Variants in ATG7 observed in about 807,000 individuals in gnomAD.
ATG7 encodes the protein autophagy related 7.
Under a neutral mutation model 82.4 loss-of-function variants are expected in ATG7, and 70 were observed. The observed-to-expected ratio is 0.85, with a 90% CI of 0.70 to 1.04. The LOEUF is 1.04. Ranked by LOEUF, ATG7 falls within the 50% of genes least tolerant of loss-of-function variation. The pLI, the probability that ATG7 is intolerant of heterozygous loss-of-function variation, is 0.00. For synonymous variants in ATG7, 287 were observed against 313.0 expected (o/e 0.92, Z 0.88); for missense variants, 792 against 864.3 (o/e 0.92, Z 1.05).
rs56859088 is a variant in ATG7, at chr3:11,433,289, TAAAAA to T, written c.2079+6385_2079+6389del. The stretch of plus-strand genomic sequence containing the variant: ...ACAGAGCAAGACCCTGTCTCTTATT[TAAAAA>T]AAAAAAAAAAAAAAAAAAAAAGCTG... On this transcript the variant is annotated intron_variant, in intron 20 of 20. Coordinates refer to ENST00000693202, the MANE Select transcript of ATG7 (RefSeq NM_001349232.2). Among the ~76,000 whole-genome samples, 225 of 83,806 alleles carry T rather than the reference TAAAAA, an allele frequency of 2.7e-3. 1 individual carries two copies. The highest frequency in any genetic ancestry group is 9.6e-3 in the African/African-American group (211 of 22,086). 55.0% of individuals were successfully genotyped at this position (83,806 alleles called of 152,430 possible).
rs192237724 is a variant in ATG7, at chr3:11,515,130, C to T, written c.2080-39681C>T. On this transcript the variant is annotated intron_variant, in intron 20 of 20. Transcript: ENST00000693202. Reference sequence around the variant, plus strand: ...CTGGGATTACAGGCATGAGCCACCGCGCCTGGCCTAGGTTTTAAAATGCTT... The same window carrying T: ...CTGGGATTACAGGCATGAGCCACCGTGCCTGGCCTAGGTTTTAAAATGCTT... Among the ~76,000 whole-genome samples the T allele has an allele frequency of 1.8e-4, 28 of 152,226 alleles. 1 individual carries two copies. The highest frequency in any genetic ancestry group is 9.6e-4 in the East Asian group (5 of 5,184).
intron 20 of ATG7, among the ~76,000 whole-genome samples, chr3:11,553,732 G>A (rs1415800499): frequency 2.0e-5 from 3 of 152,206 alleles, no homozygotes; most frequent in African/African-American, 7.2e-5. Context: ...CAGGGGCAGT[G>A]AGAAGGCTGC....
At chr3:11,507,662 C>T (rs2091811769) in intron 20 of ATG7, among the ~76,000 whole-genome samples, 1 of 151,814 alleles carries the variant, frequency 6.6e-6, no homozygotes, top group Non-Finnish European at 1.5e-5. Flanking sequence ...TTTGTTTGTC[C>T]TTCCAAATTT....
At chr3:11,521,068 A>G (rs2092428208) in intron 20 of ATG7, among the ~76,000 whole-genome samples, 1 of 152,198 alleles carries the variant, frequency 6.6e-6, no homozygotes, top group Non-Finnish European at 1.5e-5. Flanking sequence ...TTCCCCTTCC[A>G]TGATATGGGG....
chr3:11,551,166 C>T (rs1262585338), intron 20 of ATG7, among the ~76,000 whole-genome samples: 1 of 152,192 alleles, frequency 6.6e-6, no homozygotes, highest in African/African-American at 2.4e-5. Flanking sequence ...CTCGTCGTGT[C>T]CTGCGGGCCG....
intron 20 of ATG7, among the ~76,000 whole-genome samples, chr3:11,513,620 C>T (rs2092160800): frequency 6.6e-6 from 1 of 152,246 alleles, no homozygotes; most frequent in South Asian, 2.1e-4. Flanking sequence ...CTGCTCCCGC[C>T]TCTCCCTCCA....
At chr3:11,433,656 A>T (rs1326462363) in intron 20 of ATG7, among the ~76,000 whole-genome samples, 1 of 152,200 alleles carries the variant, frequency 6.6e-6, no homozygotes, top group Non-Finnish European at 1.5e-5. Flanking sequence ...GAAAGTTTGC[A>T]CGTTCCATGA....
intron 20 of ATG7, among the ~76,000 whole-genome samples, chr3:11,475,069 T>A (rs1019372511): frequency 2.6e-5 from 4 of 151,414 alleles, no homozygotes; most frequent in Admixed American, 6.6e-5. Flanking sequence ...GTGTGGGGAA[T>A]GGATTGGGTT....
At chr3:11,552,561 G>T (rs1025544989) in intron 20 of ATG7, among the ~76,000 whole-genome samples, 4 of 152,160 alleles carry the variant, frequency 2.6e-5, no homozygotes, top group Admixed American at 6.5e-5. Flanking sequence ...GGTTTCAAAT[G>T]AAGATGGCTG....
At chr3:11,567,851 CATG>C in the ATG7 span, among the ~76,000 whole-genome samples, 131 of 152,330 alleles carry the variant, frequency 8.6e-4, no homozygotes, top group African/African-American at 3.0e-3. Context: ...TTGTTAACAA[CATG>C]AGTGAATGGC....
At chr3:11,342,375 A>C in intron 13 of ATG7, 96 bp downstream of exon 13, 1 of 1,385,826 alleles carries the variant, frequency 7.2e-7, no homozygotes, top group Non-Finnish European at 9.6e-7. Context: ...CCAGCTCCCC[A>C]TCCCCTCCAT....
intron 19 of ATG7, among the ~76,000 whole-genome samples, chr3:11,380,971 A>G (rs2077854126): frequency 6.6e-6 from 1 of 152,232 alleles, no homozygotes; most frequent in South Asian, 2.1e-4. Context: ...TTTTATGGGA[A>G]GCACAATCCT....
chr3:11,280,043 T>A (rs538244249), intron 1 of ATG7, among the ~76,000 whole-genome samples: 16 of 150,760 alleles, frequency 1.1e-4, no homozygotes, highest in African/African-American at 2.7e-4. Flanking sequence ...ATTTCATTTC[T>A]TTTCTTTTCT....
At chr3:11,412,393 G>A (rs951419510) in intron 19 of ATG7, among the ~76,000 whole-genome samples, 1 of 151,918 alleles carries the variant, frequency 6.6e-6, no homozygotes, top group Admixed American at 6.6e-5. Context: ...AACTATCTGT[G>A]GGACTCTTGG....
intron 19 of ATG7, among the ~76,000 whole-genome samples, chr3:11,417,626 GC>G (rs1311841782): frequency 6.6e-6 from 1 of 151,508 alleles, no homozygotes; most frequent in Non-Finnish European, 1.5e-5. Flanking sequence ...ATAATAATCT[GC>G]CTTTTAATTG....
chr3:11,456,731 T>C (rs1164068637), intron 20 of ATG7, among the ~76,000 whole-genome samples: 1 of 152,210 alleles, frequency 6.6e-6, no homozygotes, highest in Non-Finnish European at 1.5e-5. Context: ...CTCAAAAATG[T>C]GACGGAAAGA....
intron 20 of ATG7, among the ~76,000 whole-genome samples, chr3:11,500,695 C>T (rs565045871): frequency 1.9e-3 from 295 of 151,996 alleles, no homozygotes; most frequent in Non-Finnish European, 3.6e-3. Context: ...TTACCCAGGC[C>T]GGACGTCTCA....
intron 14 of ATG7, among the ~76,000 whole-genome samples, chr3:11,350,402 A>G (rs2075446288): frequency 6.6e-6 from 1 of 152,194 alleles, no homozygotes; most frequent in African/African-American, 2.4e-5. Context: ...TTTCATGTTC[A>G]TGGGTGTGCA....
In ATG7 at chr3:11,556,200, C is replaced by A. The variant is rs2072388232; in HGVS notation, c.*1357C>A. 6.6e-6 allele frequency: 1 copy of A among 152,510 alleles called. No individual in the cohort carries two copies. Among genetic ancestry groups the A allele is most frequent in the African/African-American group, 2.4e-5 (1 of 41,366 alleles). 9.4% of individuals were successfully genotyped at this position (152,510 alleles called of 1,614,324 possible). A position where few individuals can be genotyped will look rare whatever the true frequency, so the allele number is the denominator to read the frequency against. On this transcript the variant is annotated 3_prime_UTR_variant, in exon 21 of 21. Coordinates refer to ENST00000693202, the MANE Select transcript of ATG7 (RefSeq NM_001349232.2). ...GAATGGTATATTACAGATTTACACA[C>A]ATGAAGAGAAGGTCAGAGCGCACTG...
Sources: gnomAD v4.1 joint callset for allele counts (sites outside exome capture counted in the v4.1 genomes callset) on GRCh38, gnomAD v4.1.1 for gene constraint, MANE v1.5 for transcripts, NCBI Gene and HGNC (gene_info 2026-07-23, HGNC 2026-07-21) for gene names.